AFF3: variants seen among roughly 807,000 people sequenced by gnomAD.
AFF3 encodes the protein AF4/FMR2 family member 3.
In AFF3, 32 loss-of-function variants were observed where a neutral mutation model predicts 129.7. The observed-to-expected ratio is 0.25, with a 90% confidence interval of 0.19 to 0.33. AFF3 has a LOEUF of 0.33. Ranked by LOEUF, AFF3 falls within the 10% of genes least tolerant of loss-of-function variation. The pLI is 1.00. For missense variants in AFF3, 1,373 were observed against 1,592.0 expected (o/e 0.86, Z 2.34); for synonymous variants, 644 against 635.4 (o/e 1.01, Z -0.20).
intron 4 of AFF3, among the ~76,000 whole-genome samples, chr2:100,036,294 T>C (rs1048447040): frequency 2.0e-5 from 3 of 152,032 alleles, no homozygotes; most frequent in Admixed American, 6.6e-5. Context: ...AATCCTAGCA[T>C]TGCCCACACG....
At chr2:99,656,652 C>T (rs1685772169) in intron 12 of AFF3, among the ~76,000 whole-genome samples, 1 of 152,140 alleles carries the variant, frequency 6.6e-6, no homozygotes. Flanking sequence ...GTTTCATTAT[C>T]TGAACTTTTA....
chr2:99,738,382 TC>T (rs1330423329), intron 10 of AFF3, among the ~76,000 whole-genome samples: 3 of 152,138 alleles, frequency 2.0e-5, no homozygotes, highest in Admixed American at 2.0e-4. Flanking sequence ...GCTATTATCA[TC>T]CCTTCTATTG....
At chr2:99,652,540 A>C (rs1685357130) in intron 12 of AFF3, among the ~76,000 whole-genome samples, 1 of 152,164 alleles carries the variant, frequency 6.6e-6, no homozygotes, top group Non-Finnish European at 1.5e-5. Flanking sequence ...GGGCCTGGCA[A>C]AGATAAGGGG....
chr2:100,077,635 C>T (rs1434751893), intron 4 of AFF3, among the ~76,000 whole-genome samples: 1 of 152,216 alleles, frequency 6.6e-6, no homozygotes, highest in East Asian at 1.9e-4. Context: ...TCTGTTACTT[C>T]CTCCTTCCTG....
chr2:99,652,979 G>A (rs1032830070), intron 12 of AFF3, among the ~76,000 whole-genome samples: 2 of 152,166 alleles, frequency 1.3e-5, no homozygotes, highest in Admixed American at 1.3e-4. Context: ...CACCTCCAGG[G>A]ATGGGTGCTT....
At chr2:99,932,613 A>G (rs1674131913) in intron 7 of AFF3, among the ~76,000 whole-genome samples, 1 of 152,166 alleles carries the variant, frequency 6.6e-6, no homozygotes, top group African/African-American at 2.4e-5. Context: ...TGGGCCTTGC[A>G]CACTATGGCC....
chr2:99,758,952 T>C (rs1401277885), intron 8 of AFF3, among the ~76,000 whole-genome samples: 1 of 152,154 alleles, frequency 6.6e-6, no homozygotes, highest in Non-Finnish European at 1.5e-5. Context: ...CTTCATGCCT[T>C]TTTATTGCTC....
rs576712829 is a variant in AFF3, at chr2:99,785,873, G to A, written c.922-33572C>T. Among the ~76,000 whole-genome samples, 27 of 152,172 alleles carry A rather than the reference G, an allele frequency of 1.8e-4. 1 individual carries two copies. The highest frequency in any genetic ancestry group is 8.3e-4 in the South Asian group (4 of 4,824). On this transcript the variant is annotated intron_variant, in intron 8 of 24. Coordinates refer to ENST00000672756, the MANE Select transcript of AFF3 (RefSeq NM_001386135.1). ...AGCGATTCTGCTGCCTCAGCCTCCC[G>A]GGTAGCTGGGATTACAGGCACGTGT... is the stretch of plus-strand genomic sequence containing the variant.
At chr2:99,707,453 A>G (rs1243163458) in intron 11 of AFF3, 2 of 985,336 alleles carry the variant, frequency 2.0e-6, no homozygotes, top group East Asian at 1.1e-4. Context: ...TTTGCATTTC[A>G]GCACGAGGCA....
chr2:99,790,786 T>C (rs1028203509), intron 8 of AFF3, among the ~76,000 whole-genome samples: 5 of 152,202 alleles, frequency 3.3e-5, no homozygotes, highest in African/African-American at 9.6e-5. Flanking sequence ...CTCTGATAAA[T>C]GTACGGTGAT....
intron 13 of AFF3, among the ~76,000 whole-genome samples, chr2:99,642,177 GCCCAAT>G (rs1355385478): frequency 6.6e-6 from 1 of 152,182 alleles, no homozygotes; most frequent in East Asian, 1.9e-4. Flanking sequence ...AGGCTATCTG[GCCCAAT>G]CCCCACTCGC....
intron 4 of AFF3, among the ~76,000 whole-genome samples, chr2:100,028,605 C>T (rs1236157919): frequency 2.0e-5 from 3 of 151,944 alleles, no homozygotes; most frequent in Non-Finnish European, 2.9e-5. Context: ...TCTAAAAGAC[C>T]ACTAAGATGT....
At chr2:99,748,168 A>G (rs1439002100) in intron 9 of AFF3, among the ~76,000 whole-genome samples, 1 of 152,230 alleles carries the variant, frequency 6.6e-6, no homozygotes, top group East Asian at 1.9e-4. Flanking sequence ...GGCTGGGTCC[A>G]GAACAGAGGG....
At chr2:100,061,355 G>A (rs1364386199) in intron 4 of AFF3, among the ~76,000 whole-genome samples, 1 of 152,276 alleles carries the variant, frequency 6.6e-6, no homozygotes, top group African/African-American at 2.4e-5. Context: ...AAGTGACAGT[G>A]TACGGCCCTT....
intron 7 of AFF3, among the ~76,000 whole-genome samples, chr2:99,987,226 C>A (rs914534721): frequency 7.9e-5 from 12 of 152,270 alleles, no homozygotes; most frequent in African/African-American, 2.9e-4. Flanking sequence ...AACCATTAAA[C>A]CTAAAAGACA....
chr2:99,667,990 A>G (rs1329719404), intron 12 of AFF3, among the ~76,000 whole-genome samples: 1 of 151,860 alleles, frequency 6.6e-6, no homozygotes, highest in Non-Finnish European at 1.5e-5. Context: ...CCCCGTCTCT[A>G]CTAAAAAAAT....
intron 11 of AFF3, among the ~76,000 whole-genome samples, chr2:99,688,284 C>T (rs1311072894): frequency 6.6e-6 from 1 of 152,150 alleles, no homozygotes. Flanking sequence ...AGCAAAGGGG[C>T]AGAATTACCA....
intron 7 of AFF3, among the ~76,000 whole-genome samples, chr2:99,984,104 G>A (rs2104529688): frequency 6.6e-6 from 1 of 152,244 alleles, no homozygotes; most frequent in African/African-American, 2.4e-5. Context: ...TTTTGCATTT[G>A]TTTTAGTCTT....
intron 8 of AFF3, among the ~76,000 whole-genome samples, chr2:99,769,402 CTG>C (rs1683282544): frequency 6.6e-6 from 1 of 152,160 alleles, no homozygotes; most frequent in African/African-American, 2.4e-5. Flanking sequence ...AATTCCTTTT[CTG>C]TGTTACCTTG....
Sources: gnomAD v4.1 joint callset for allele counts (sites outside exome capture counted in the v4.1 genomes callset) on GRCh38, gnomAD v4.1.1 for gene constraint, MANE v1.5 for transcripts, NCBI Gene and HGNC (gene_info 2026-07-23, HGNC 2026-07-21) for gene names.